CAMK1G: variants seen among roughly 807,000 people sequenced by gnomAD.
CAMK1G encodes calcium/calmodulin-dependent protein kinase type 1G.
In CAMK1G, 27 loss-of-function variants were observed where a neutral mutation model predicts 54.8. The ratio of observed to expected loss-of-function variants is 0.49; its 90% CI spans 0.36 to 0.68. The LOEUF (loss-of-function observed/expected upper bound fraction) is 0.68. Among genes scored for constraint, CAMK1G ranks in the 30% least tolerant of loss-of-function variants. The pLI, the probability that CAMK1G is intolerant of heterozygous loss-of-function variation, is 0.00. For synonymous variants in CAMK1G, 238 were observed against 224.9 expected, an observed-to-expected ratio of 1.06 and a Z score of -0.52; for missense variants, 512 against 591.0, an observed-to-expected ratio of 0.87 and a Z score of 1.39.
chr1:209,609,144 C>G, intron 8 of CAMK1G, 52 bp downstream of exon 8: 1 of 1,609,252 alleles, frequency 6.2e-7, no homozygotes, highest in Non-Finnish European at 8.5e-7. Flanking sequence ...TAGAGGCTGC[C>G]AAGAGAAATG....
At chr1:209,584,042 G>A (rs115613811) in intron 1 of CAMK1G, 1 of 152,254 alleles carries the variant, frequency 6.6e-6, no homozygotes, top group East Asian at 1.9e-4. Context: ...CTTCTGGGCA[G>A]GGAAAAGGGA....
Position 209,609,945 on chromosome 1 carries a change from A to T in CAMK1G, c.827+16A>T. On this transcript the variant is annotated intron_variant, in intron 9 of 12. Coordinates refer to ENST00000361322, the MANE Select transcript of CAMK1G (RefSeq NM_020439.3). ...GTCATCCCTGGTGAGTGAGACATGG[A>T]GTGGACTCTAGACCCCAGCCCTGTA... is the stretch of plus-strand genomic sequence containing the variant. 1 of 1,602,042 alleles carries T rather than the reference A, an allele frequency of 6.2e-7. No individual in the cohort carries two copies. The highest frequency in any genetic ancestry group is 8.6e-7 in the Non-Finnish European group (1 of 1,169,034).
intron 1 of CAMK1G, among the ~76,000 whole-genome samples, chr1:209,590,561 G>C (rs1042050593): frequency 6.6e-6 from 1 of 152,198 alleles, no homozygotes; most frequent in African/African-American, 2.4e-5. Flanking sequence ...AAGGAACAGT[G>C]AGTACAGATC....
At chr1:209,606,663 G>A (rs1665657569) in intron 6 of CAMK1G, among the ~76,000 whole-genome samples, 1 of 152,188 alleles carries the variant, frequency 6.6e-6, no homozygotes, top group Admixed American at 6.5e-5. Context: ...CTACCCCTGA[G>A]CCCTCCAGAG....
At chr1:209,600,660 A>G (rs1400362356) in intron 3 of CAMK1G, among the ~76,000 whole-genome samples, 1 of 152,258 alleles carries the variant, frequency 6.6e-6, no homozygotes. Context: ...TCAGGAGCCT[A>G]TGCTGGATAC....
intron 1 of CAMK1G, among the ~76,000 whole-genome samples, chr1:209,593,257 G>T (rs949612251): frequency 5.3e-5 from 8 of 152,124 alleles, no homozygotes; most frequent in Admixed American, 5.2e-4. Flanking sequence ...CTTTCTTTTT[G>T]TTCAAAGGCT....
intron 3 of CAMK1G, 131 bp from the exon 4 acceptor site, chr1:209,603,083 C>A: frequency 1.3e-6 from 1 of 753,254 alleles, no homozygotes; most frequent in Non-Finnish European, 2.3e-6. Context: ...ATTATGAAGG[C>A]TTCACAGAGA....
At chr1:209,585,956 G>A (rs546816413) in intron 1 of CAMK1G, among the ~76,000 whole-genome samples, 282 of 152,328 alleles carry the variant, frequency 1.9e-3, no homozygotes, top group African/African-American at 6.2e-3. Flanking sequence ...GAGTGGGAGC[G>A]GCTGCCAGCA....
At chr1:209,602,438 T>C (rs1665552441) in intron 3 of CAMK1G, among the ~76,000 whole-genome samples, 1 of 152,186 alleles carries the variant, frequency 6.6e-6, no homozygotes, top group South Asian at 2.1e-4. Flanking sequence ...TTTCAACACT[T>C]CCTCCGTGGT....
chr1:209,606,053 C>T (rs954176276), intron 5 of CAMK1G, among the ~76,000 whole-genome samples: 1 of 152,094 alleles, frequency 6.6e-6, no homozygotes, highest in Admixed American at 6.5e-5. Context: ...AAAACACAAA[C>T]AGGGTAGTTG....
At chr1:209,605,100 T>G (rs1383680888) in intron 4 of CAMK1G, among the ~76,000 whole-genome samples, 2 of 152,074 alleles carry the variant, frequency 1.3e-5, no homozygotes, top group East Asian at 1.9e-4. Flanking sequence ...AGAAGAGAAA[T>G]CTTGATATAA....
At chr1:209,598,399 A>C (rs977441) in intron 2 of CAMK1G, among the ~76,000 whole-genome samples, 99,916 of 152,122 alleles carry the variant, frequency 0.66, 33,125 homozygotes, top group African/African-American at 0.72. Context: ...ACTCTGTCCC[A>C]TCTGCTACCT....
In CAMK1G at chr1:209,607,920, A is replaced by T. The variant is rs749151931; in HGVS notation, c.622A>T (p.Ile208Phe). Reference sequence around the variant, plus strand: ...TGTGGATTGCTGGTCCATCGGCGTCATCACCTACATATTGTGAGTAGACGC... The same window carrying T: ...TGTGGATTGCTGGTCCATCGGCGTCTTCACCTACATATTGTGAGTAGACGC... ...KAVDCWSIGV[I>F]TYILLCGYPP... The change falls in exon 7 of 13, where the codon ATC becomes TTC. Residue 208 changes from isoleucine to phenylalanine, a missense_variant. By Grantham distance (21) the Ile-to-Phe change is conservative (BLOSUM62 0). This residue lies in a region of CAMK1G where 11 missense variants were observed against 29.1 expected (regional missense o/e 0.38). Coordinates refer to ENST00000361322, the MANE Select transcript of CAMK1G (RefSeq NM_020439.3). 1 of 1,613,284 alleles carries T rather than the reference A, an allele frequency of 6.2e-7. No homozygotes were observed. The highest frequency in any genetic ancestry group is 8.5e-7 in the Non-Finnish European group (1 of 1,179,522).
At chr1:209,602,556 G>A (rs1365947163) in intron 3 of CAMK1G, among the ~76,000 whole-genome samples, 1 of 152,136 alleles carries the variant, frequency 6.6e-6, no homozygotes, top group African/African-American at 2.4e-5. Context: ...TTTTAGCATT[G>A]ACAGGATGCC....
At chr1:209,588,366 G>GGATTA (rs1388151085) in intron 1 of CAMK1G, among the ~76,000 whole-genome samples, 1,217 of 38,962 alleles carry the variant, frequency 0.031, 20 homozygotes, top group African/African-American at 0.1. Context: ...GGATTGGATT[G>GGATTA]GATTGGATTG....
Position 209,600,747 on chromosome 1 carries a change from G to T in CAMK1G, c.221+636G>T, listed in dbSNP as rs529367652. Among the ~76,000 whole-genome samples the T allele has an allele frequency of 5.3e-5, 8 of 152,332 alleles. No individual in the cohort carries two copies. The East Asian group carries it at 1.5e-3, about 29-fold the overall frequency. ...GAAGGCAGAGTTTGGAGGAGATAAAGATTCATTTTGCCTATGCATATGTTT... is the reference window on the plus strand; with the variant it reads ...GAAGGCAGAGTTTGGAGGAGATAAATATTCATTTTGCCTATGCATATGTTT... On this transcript the variant is annotated intron_variant, in intron 3 of 12. Transcript: ENST00000361322.
intron 10 of CAMK1G, 103 bp from the exon 11 acceptor site, chr1:209,611,689 G>A: frequency 6.7e-7 from 1 of 1,496,312 alleles, no homozygotes; most frequent in Non-Finnish European, 9.1e-7. Flanking sequence ...GAAATGAGAA[G>A]TGGGCACCCA....
Position 209,613,092 on chromosome 1 carries a change from G to A in CAMK1G, c.*90G>A. 1 of 499,512 alleles carries A rather than the reference G, an allele frequency of 2.0e-6. No homozygotes were observed. Among genetic ancestry groups the A allele is most frequent in the Non-Finnish European group, 3.7e-6 (1 of 272,510 alleles). 30.9% of individuals were successfully genotyped at this position (499,512 alleles called of 1,614,324 possible). On this transcript the variant is annotated 3_prime_UTR_variant, in exon 13 of 13. Coordinates refer to ENST00000361322, the MANE Select transcript of CAMK1G (RefSeq NM_020439.3). Reference sequence around the variant, plus strand: ...CAAACCTGGTGTCTATCCGGCAGAGGGAGGAAGGCAGAGCAAGTGGAGCAG... The same window carrying A: ...CAAACCTGGTGTCTATCCGGCAGAGAGAGGAAGGCAGAGCAAGTGGAGCAG...
At chr1:209,607,723 G>A in intron 6 of CAMK1G, 135 bp from the exon 7 acceptor site, 3 of 667,460 alleles carry the variant, frequency 4.5e-6, no homozygotes, top group Non-Finnish European at 5.4e-6. Flanking sequence ...TACCCTTAGG[G>A]AGTTTTCAGT....
Sources: allele counts gnomAD v4.1 joint callset (sites outside exome capture counted in the v4.1 genomes callset), GRCh38; gene constraint gnomAD v4.1.1; regional missense constraint gnomAD v4.1.1; transcripts MANE v1.5; gene names NCBI Gene and HGNC (gene_info 2026-07-23, HGNC 2026-07-21).